The following ANKRD28 variants were observed in gnomAD, a reference collection of about 807,000 sequenced individuals.
ANKRD28 encodes the protein serine/threonine-protein phosphatase 6 regulatory ankyrin repeat subunit A.
Under a neutral mutation model 126.5 loss-of-function variants are expected in ANKRD28, and 44 were observed. The ratio of observed to expected loss-of-function variants is 0.35; its 90% CI spans 0.27 to 0.45. ANKRD28 has a LOEUF of 0.45. Ranked by LOEUF, ANKRD28 falls within the 20% of genes least tolerant of loss-of-function variation. The probability of loss-of-function intolerance (pLI) is 1.00; values close to 1 mark genes in which losing one functional copy is unlikely to be tolerated. For missense variants in ANKRD28, 1,110 were observed against 1,316.6 expected (o/e 0.84, Z 2.43); for synonymous variants, 442 against 468.5 (o/e 0.94, Z 0.73).
chr3:15,777,045 G>A (rs2059304607), intron 2 of ANKRD28, among the ~76,000 whole-genome samples: 1 of 152,144 alleles, frequency 6.6e-6, no homozygotes, highest in Non-Finnish European at 1.5e-5. Flanking sequence ...GGAGGCCGAG[G>A]TGGGTGGATC....
At chr3:15,696,301 G>T in intron 14 of ANKRD28, 56 bp from the exon 15 acceptor site, 2 of 1,103,930 alleles carry the variant, frequency 1.8e-6, no homozygotes, top group African/African-American at 1.6e-5. Flanking sequence ...ATTAACCAAT[G>T]ATAAAAAGAG....
intron 17 of ANKRD28, among the ~76,000 whole-genome samples, chr3:15,691,048 G>T (rs1054943074): frequency 6.6e-6 from 1 of 151,882 alleles, no homozygotes; most frequent in Non-Finnish European, 1.5e-5. Flanking sequence ...ACCGAGCCCT[G>T]CTTGAATATC....
chr3:15,799,231 CA>C (rs1461349593), upstream of ANKRD28, among the ~76,000 whole-genome samples: 1 of 150,468 alleles, frequency 6.6e-6, no homozygotes, highest in African/African-American at 2.4e-5. Flanking sequence ...GTTTAGGTAA[CA>C]AAGGAATATA....
intron 7 of ANKRD28, among the ~76,000 whole-genome samples, chr3:15,722,664 A>C (rs955765560): frequency 4.6e-5 from 7 of 152,254 alleles, no homozygotes; most frequent in African/African-American, 9.6e-5. Context: ...CCCCAACATA[A>C]TGCAGCTTTA....
intron 27 of ANKRD28, among the ~76,000 whole-genome samples, chr3:15,671,362 C>A (rs971156672): frequency 2.0e-5 from 3 of 152,032 alleles, no homozygotes; most frequent in African/African-American, 7.2e-5. Context: ...TGCCAAGCTT[C>A]AATTATACCA....
At chr3:15,829,574 A>G (rs951572866) in intron 1 of ANKRD28, among the ~76,000 whole-genome samples, 6 of 152,308 alleles carry the variant, frequency 3.9e-5, no homozygotes, top group Admixed American at 3.9e-4. Flanking sequence ...TTACAATATC[A>G]TATATCAGTA....
At chr3:15,699,628 A>ATG (rs1459612896) in intron 14 of ANKRD28, among the ~76,000 whole-genome samples, 111 of 152,294 alleles carry the variant, frequency 7.3e-4, no homozygotes, top group African/African-American at 2.6e-3. Context: ...ATAGACATAC[A>ATG]AAAAAATGCT....
intron 3 of ANKRD28, among the ~76,000 whole-genome samples, chr3:15,756,271 C>T (rs2058148649): frequency 6.6e-6 from 1 of 152,168 alleles, no homozygotes; most frequent in Non-Finnish European, 1.5e-5. Flanking sequence ...CAGGTTGTAT[C>T]CATTTCATAC....
At chr3:15,746,678 C>A (rs903297316) in intron 4 of ANKRD28, among the ~76,000 whole-genome samples, 5 of 151,900 alleles carry the variant, frequency 3.3e-5, no homozygotes, top group Non-Finnish European at 7.4e-5. Context: ...GGTTTTGTTA[C>A]GTCCTTCCCT....
chr3:15,721,108 T>A lies in ANKRD28; in HGVS notation c.803A>T (p.Tyr268Phe). The change falls in exon 8 of 28, where the codon TAT (tyrosine) becomes TTT (phenylalanine). Residue 268 changes from tyrosine (Y) to phenylalanine (F), a missense_variant. Coordinates refer to ENST00000683139, the MANE Select transcript of ANKRD28 (RefSeq NM_001349278.2). ...GGCTACATGAAGAGGTGTATTTCCA[T>A]AGGCATTTGGTTCATTCATCTATTA... is the stretch of plus-strand genomic sequence containing the variant. ...LGVDMNEPNA[Y>F]GNTPLHVACY... 6.2e-7 allele frequency: 1 copy of A among 1,612,046 alleles called. No individual in the cohort carries two copies. Among genetic ancestry groups the A allele is most frequent in the South Asian group, 1.1e-5 (1 of 90,400 alleles).
chr3:15,805,801 A>C (rs953144155), intron 1 of ANKRD28, among the ~76,000 whole-genome samples: 2 of 152,202 alleles, frequency 1.3e-5, no homozygotes, highest in South Asian at 4.1e-4. Flanking sequence ...TATGGTTACA[A>C]AATGTTTACC....
chr3:15,711,330 T>C lies in ANKRD28; in HGVS notation c.1274-56A>G, dbSNP rs934194279. 43 of 1,422,072 alleles carry C rather than the reference T, an allele frequency of 3.0e-5. No individual in the cohort carries two copies. In the African/African-American group the frequency reaches 5.4e-4, roughly 18 times the overall value. 88.1% of individuals were successfully genotyped at this position (1,422,072 alleles called of 1,614,324 possible). The stretch of plus-strand genomic sequence containing the variant: ...AGACATATTATTTTACACTAAAGAA[T>C]TGTGTCATGAAACATCAAGAATCAC... On this transcript the variant is annotated intron_variant, in intron 11 of 27. Transcript: ENST00000683139.
intron 1 of ANKRD28, among the ~76,000 whole-genome samples, chr3:15,805,950 GT>G (rs2060568141): frequency 6.6e-6 from 1 of 151,594 alleles, no homozygotes. Flanking sequence ...AGTGGCTATC[GT>G]TTGGGAAATA....
intron 10 of ANKRD28, among the ~76,000 whole-genome samples, chr3:15,713,188 TA>T (rs913813844): frequency 6.6e-6 from 1 of 151,766 alleles, no homozygotes; most frequent in African/African-American, 2.4e-5. Flanking sequence ...GTATTTGGAT[TA>T]AAAAAAAGCA....
chr3:15,820,053 A>G (rs2060910694), intron 1 of ANKRD28, among the ~76,000 whole-genome samples: 2 of 152,250 alleles, frequency 1.3e-5, no homozygotes, highest in Non-Finnish European at 1.5e-5. Context: ...AATTTAAGAA[A>G]AATAATTTTT....
chr3:15,716,839 A>G (rs1357044919), intron 8 of ANKRD28, among the ~76,000 whole-genome samples: 1 of 152,164 alleles, frequency 6.6e-6, no homozygotes, highest in Non-Finnish European at 1.5e-5. Context: ...GCTCATATCT[A>G]TAATTCCAGC....
chr3:15,726,310 C>G lies in ANKRD28; in HGVS notation c.641-1786G>C, dbSNP rs1243549209. Among the ~76,000 whole-genome samples the G allele has an allele frequency of 2.0e-5, 3 of 151,970 alleles. 1 individual carries two copies. Among genetic ancestry groups the G allele is most frequent in the Non-Finnish European group, 4.4e-5 (3 of 68,020 alleles). ...AGCTAGGCCTCCTGTGACAAAGTTA[C>G]CAAGTAGTGAATGCAAAAGAAAAAT... On this transcript the variant is annotated intron_variant, in intron 6 of 27. Coordinates refer to ENST00000683139, the MANE Select transcript of ANKRD28 (RefSeq NM_001349278.2).
At chr3:15,808,677 A>T (rs1159223949) in intron 1 of ANKRD28, among the ~76,000 whole-genome samples, 5 of 152,094 alleles carry the variant, frequency 3.3e-5, no homozygotes, top group Non-Finnish European at 4.4e-5. Flanking sequence ...TTCCTTTCTT[A>T]CAGCTTTGGT....
rs1351504385 is a variant in ANKRD28, at chr3:15,683,999, T to C, written c.2389+1227A>G. The C allele has an allele frequency of 2.6e-5, 4 of 152,212 alleles. No individual in the cohort carries two copies. In the East Asian group the frequency reaches 5.8e-4, roughly 22 times the overall value. The allele number at this position is 152,212 out of a possible 1,614,324, so 9.4% of individuals were successfully genotyped here. A position where few individuals can be genotyped will look rare whatever the true frequency, so the allele number is the denominator to read the frequency against. ...TCTCTGCATTTTGAGGGAAGGTTAT[T>C]AGAATTGTGAACTACAGCTTTGTAG... On this transcript the variant is annotated intron_variant, in intron 21 of 27. Coordinates refer to ENST00000683139, the MANE Select transcript of ANKRD28 (RefSeq NM_001349278.2).
Sources: allele counts gnomAD v4.1 joint callset (sites outside exome capture counted in the v4.1 genomes callset), GRCh38; gene constraint gnomAD v4.1.1; transcripts MANE v1.5; gene names NCBI Gene and HGNC (gene_info 2026-07-23, HGNC 2026-07-21).